The following CGGBP1 variants were observed in gnomAD, a reference collection of about 807,000 sequenced individuals.
The protein encoded by CGGBP1 is CGG triplet repeat binding protein 1.
Under a neutral mutation model 11.4 loss-of-function variants are expected in CGGBP1, and 4 were observed. The observed-to-expected ratio is 0.35, with a 90% CI of 0.17 to 0.80. CGGBP1 has a LOEUF of 0.80. CGGBP1 is among the 30% of genes least tolerant of loss of function. The pLI, the probability that CGGBP1 is intolerant of heterozygous loss-of-function variation, is 0.52. For missense variants in CGGBP1, 135 were observed against 202.1 expected, an observed-to-expected ratio of 0.67 and a Z score of 2.01; for synonymous variants, 76 against 74.1, an observed-to-expected ratio of 1.03 and a Z score of -0.13.
upstream of CGGBP1, chr3:88,059,116 G>T: frequency 1.0e-6 from 1 of 978,560 alleles, no homozygotes; most frequent in East Asian, 2.7e-5. Context: ...AGGCGGGCAT[G>T]AACATGATTG....
intron 2 of CGGBP1, among the ~76,000 whole-genome samples, chr3:88,119,404 A>AGGGGGGG (rs1705627765): frequency 3.2e-5 from 1 of 31,628 alleles, no homozygotes; most frequent in Non-Finnish European, 5.3e-5. Flanking sequence ...GGGAGGGGGG[A>AGGGGGGG]GGGGGGAGGG....
intron 2 of CGGBP1, among the ~76,000 whole-genome samples, chr3:88,088,006 A>G (rs769818810): frequency 3.3e-5 from 5 of 152,260 alleles, no homozygotes; most frequent in Non-Finnish European, 5.9e-5. Flanking sequence ...CAGTAAGTAT[A>G]AATACAAATA....
At chr3:88,110,976 G>A (rs898355115) in intron 2 of CGGBP1, among the ~76,000 whole-genome samples, 5 of 151,992 alleles carry the variant, frequency 3.3e-5, no homozygotes, top group African/African-American at 1.2e-4. Flanking sequence ...TGGTAGTGGG[G>A]CATGCACACT....
At chr3:88,128,671 T>TA (rs1706266982) in intron 2 of CGGBP1, 1 of 585,506 alleles carries the variant, frequency 1.7e-6, no homozygotes, top group African/African-American at 1.9e-5. Context: ...TTTTCACAAA[T>TA]AAACTCCTAC....
chr3:88,128,168 C>A (rs1003139780), intron 2 of CGGBP1, among the ~76,000 whole-genome samples: 2 of 151,780 alleles, frequency 1.3e-5, no homozygotes, highest in Non-Finnish European at 2.9e-5. Context: ...GTTGTTAGGT[C>A]TAAATAAATT....
At chr3:88,118,120 T>A (rs577787450) in intron 2 of CGGBP1, among the ~76,000 whole-genome samples, 2 of 152,124 alleles carry the variant, frequency 1.3e-5, no homozygotes, top group South Asian at 4.1e-4. Flanking sequence ...CTGCAAGTGG[T>A]TTAATGAGCC....
chr3:88,144,114 G>A (rs898787344), intron 1 of CGGBP1: 2 of 152,318 alleles, frequency 1.3e-5, no homozygotes, highest in African/African-American at 4.8e-5. Context: ...CTGTGTGTCA[G>A]TAAGGTGAAG....
chr3:88,103,186 C>A (rs1450189477), intron 2 of CGGBP1, among the ~76,000 whole-genome samples: 2 of 151,866 alleles, frequency 1.3e-5, no homozygotes, highest in African/African-American at 4.8e-5. Context: ...AAAAAAGAGA[C>A]CCCCTATTAA....
At chr3:88,126,275 TC>T (rs1559727302) in intron 2 of CGGBP1, 1 of 1,476,360 alleles carries the variant, frequency 6.8e-7, no homozygotes, top group Admixed American at 2.4e-5. Flanking sequence ...GATAGGTACT[TC>T]AGGAGATTCA....
chr3:88,149,166 A>G (rs934442142), intron 1 of CGGBP1, among the ~76,000 whole-genome samples: 1 of 152,194 alleles, frequency 6.6e-6, no homozygotes, highest in Non-Finnish European at 1.5e-5. Flanking sequence ...ATAACAGCTA[A>G]AGTTTAGTAA....
chr3:88,143,601 C>G (rs1044013036), intron 1 of CGGBP1: 1 of 152,200 alleles, frequency 6.6e-6, no homozygotes, highest in African/African-American at 2.4e-5. Flanking sequence ...CAAGTTGTAA[C>G]AATTGATATA....
intron 2 of CGGBP1, among the ~76,000 whole-genome samples, chr3:88,070,826 A>C (rs1192656120): frequency 6.6e-6 from 1 of 152,202 alleles, no homozygotes; most frequent in Non-Finnish European, 1.5e-5. Context: ...GCTGAGACTC[A>C]GAGAGATTAA....
Position 88,054,688 on chromosome 3 carries a change from C to G in CGGBP1, c.*785G>C. 6.6e-6 allele frequency: 1 copy of G among 152,532 alleles called. No homozygotes were observed. Among genetic ancestry groups the G allele is most frequent in the East Asian group, 1.9e-4 (1 of 5,184 alleles). 9.4% of individuals were successfully genotyped at this position (152,532 alleles called of 1,614,324 possible). ...ATGCCAATCTTGAAATCTTTTAACA[C>G]CAAGACATAGAAAAAAGTTTAGAAA... On this transcript the variant is annotated 3_prime_UTR_variant, in exon 4 of 4. Coordinates refer to ENST00000482016, the MANE Select transcript of CGGBP1 (RefSeq NM_001008390.2).
intron 2 of CGGBP1, among the ~76,000 whole-genome samples, chr3:88,111,886 A>G (rs926531849): frequency 1.3e-5 from 2 of 151,936 alleles, no homozygotes; most frequent in Admixed American, 1.3e-4. Context: ...TTTAATCTTT[A>G]TAATTTTGGC....
intron 2 of CGGBP1, among the ~76,000 whole-genome samples, chr3:88,105,394 T>G (rs1429786151): frequency 6.6e-6 from 1 of 152,214 alleles, no homozygotes; most frequent in South Asian, 2.1e-4. Context: ...TGAATTTTGT[T>G]GTGTTGATGT....
chr3:88,129,267 A>G (rs1706296722), intron 2 of CGGBP1, among the ~76,000 whole-genome samples: 2 of 138,578 alleles, frequency 1.4e-5, no homozygotes, highest in South Asian at 5.2e-4. Context: ...TGCACTTTTG[A>G]TGTGATGGAG....
chr3:88,145,680 C>G (rs1707299616), intron 1 of CGGBP1, among the ~76,000 whole-genome samples: 3 of 152,202 alleles, frequency 2.0e-5, no homozygotes, highest in East Asian at 1.9e-4. Context: ...GATGTTTTAA[C>G]TACATCAAGA....
chr3:88,137,924 T>C (rs1706896038), intron 2 of CGGBP1, among the ~76,000 whole-genome samples: 1 of 152,088 alleles, frequency 6.6e-6, no homozygotes, highest in Non-Finnish European at 1.5e-5. Flanking sequence ...GTTAAAGACA[T>C]TATTATGGTG....
intron 3 of CGGBP1, chr3:88,056,407 A>G (rs1422337498): frequency 6.5e-6 from 1 of 153,070 alleles, no homozygotes; most frequent in African/African-American, 2.4e-5. Flanking sequence ...TCCTGTCACA[A>G]TTCTGGGACA....
Sources: gnomAD v4.1 joint callset for allele counts (sites outside exome capture counted in the v4.1 genomes callset) on GRCh38, gnomAD v4.1.1 for gene constraint, MANE v1.5 for transcripts, NCBI Gene and HGNC (gene_info 2026-07-23, HGNC 2026-07-21) for gene names.